NPRL3: variants seen among roughly 807,000 people sequenced by gnomAD.
NPRL3 encodes the protein NPR3 like, GATOR1 complex subunit.
In NPRL3, 23 loss-of-function variants were observed where a neutral mutation model predicts 57.2. The observed-to-expected ratio is 0.40, with a 90% confidence interval of 0.29 to 0.57. The LOEUF (loss-of-function observed/expected upper bound fraction) is 0.57, where lower values mean the gene tolerates loss of function less well. NPRL3 is among the 20% of genes least tolerant of loss of function. The probability of loss-of-function intolerance (pLI) is 0.42; values close to 1 mark genes in which losing one functional copy is unlikely to be tolerated. For missense variants in NPRL3, 691 were observed against 767.1 expected (o/e 0.90, Z 1.17); for synonymous variants, 333 against 321.1 (o/e 1.04, Z -0.39).
rs1382265538 is a variant in NPRL3, at chr16:86,924, C to T, written c.1545-54G>A. The T allele has an allele frequency of 1.3e-5, 20 of 1,549,894 alleles. No homozygotes were observed. In the East Asian group the frequency reaches 4.4e-4, roughly 34 times the overall value. On this transcript the variant is annotated intron_variant, in intron 13 of 13. Coordinates refer to ENST00000611875, the MANE Select transcript of NPRL3 (RefSeq NM_001077350.3). ...ACCTGACACCAGCCCCCAGAGGCCT[C>T]TGCTGAAGAGCCACTGCTGGGAATC...
In NPRL3 at chr16:107,305, G is replaced by T. The variant is rs141895727; in HGVS notation, c.629+3220C>A. 2.0e-5 allele frequency among the ~76,000 whole-genome samples: 3 copies of T among 152,236 alleles called. No individual in the cohort carries two copies. The East Asian group carries it at 5.8e-4, about 29-fold the overall frequency. On this transcript the variant is annotated intron_variant, in intron 7 of 13. Transcript: ENST00000611875. ...GGTTTTGTCTCCTTTCAACTTTCCA[G>T]CACGATTCAAACCTAAGAAATCATA... is the stretch of plus-strand genomic sequence containing the variant.
At chr16:92,852 C>T (rs1898822299) in intron 10 of NPRL3, 127 bp from the exon 11 acceptor site, 23 of 1,248,510 alleles carry the variant, frequency 1.8e-5, no homozygotes, top group Non-Finnish European at 2.1e-5. Flanking sequence ...GAGGGCAGAA[C>T]GGTATGAGGC....
intron 3 of NPRL3, among the ~76,000 whole-genome samples, chr16:127,490 C>T (rs1900576590): frequency 6.6e-6 from 1 of 152,102 alleles, no homozygotes; most frequent in African/African-American, 2.4e-5. Flanking sequence ...CCGCCTTGGA[C>T]ACCCAAAGTG....
At chr16:86,992 G>T in intron 13 of NPRL3, 122 bp from the exon 14 acceptor site, 2 of 1,013,228 alleles carry the variant, frequency 2.0e-6, no homozygotes, top group Non-Finnish European at 2.8e-6. Flanking sequence ...TGGTGGTGAA[G>T]GCCAGGGAGG....
intron 7 of NPRL3, among the ~76,000 whole-genome samples, chr16:105,454 GA>G (rs2141936052): frequency 6.6e-6 from 1 of 152,204 alleles, no homozygotes; most frequent in East Asian, 1.9e-4. Flanking sequence ...AGCCTACCTT[GA>G]AATTTCAAAC....
Position 108,674 on chromosome 16 carries a change from T to TTTATTATTA in NPRL3, c.629+1842_629+1850dup, listed in dbSNP as rs57499128. Among the ~76,000 whole-genome samples the TTTATTATTA allele has an allele frequency of 6.3e-3, 952 of 150,104 alleles. 37 individuals are homozygous for TTTATTATTA. The highest frequency in any genetic ancestry group is 0.048 in the Admixed American group (732 of 15,126). On this transcript the variant is annotated intron_variant, in intron 7 of 13. Coordinates refer to ENST00000611875, the MANE Select transcript of NPRL3 (RefSeq NM_001077350.3). The stretch of plus-strand genomic sequence containing the variant: ...TTTATTTTACTTTTGTTTTTTAATT[T>TTTATTATTA]TTATTATTATTTTTGAGATGACATC...
intron 7 of NPRL3, among the ~76,000 whole-genome samples, chr16:107,274 G>A (rs556865719): frequency 6.6e-6 from 1 of 152,318 alleles, no homozygotes; most frequent in South Asian, 2.1e-4. Context: ...ACAACAGGCA[G>A]TCCAAGGTTT....
chr16:108,960 G>A (rs146009924), intron 7 of NPRL3, among the ~76,000 whole-genome samples: 2 of 151,484 alleles, frequency 1.3e-5, no homozygotes, highest in South Asian at 2.1e-4. Context: ...GTGAGCCACC[G>A]CGCCCGGCCT....
chr16:118,169 C>T (rs546735245), intron 4 of NPRL3, among the ~76,000 whole-genome samples: 1 of 152,326 alleles, frequency 6.6e-6, no homozygotes, highest in South Asian at 2.1e-4. Context: ...AATAACACCA[C>T]AGAACCTCCC....
At chr16:133,400 AT>A (rs145879888) in intron 2 of NPRL3, among the ~76,000 whole-genome samples, 112 of 145,560 alleles carry the variant, frequency 7.7e-4, no homozygotes, top group African/African-American at 1.6e-3. Context: ...TAATTTTTGT[AT>A]TTTTTTTTTT....
chr16:134,218 T>C (rs1394128270), intron 2 of NPRL3, among the ~76,000 whole-genome samples: 1 of 152,020 alleles, frequency 6.6e-6, no homozygotes, highest in Non-Finnish European at 1.5e-5. Context: ...GGTAGGCCCC[T>C]ATGCACATGT....
At chr16:122,773 A>T (rs1900336964) in intron 3 of NPRL3, among the ~76,000 whole-genome samples, 1 of 152,112 alleles carries the variant, frequency 6.6e-6, no homozygotes, top group African/African-American at 2.4e-5. Flanking sequence ...AAAGGGATGG[A>T]AAGACATCCT....
chr16:137,631 C>A (rs983586803), intron 2 of NPRL3, among the ~76,000 whole-genome samples: 3 of 151,568 alleles, frequency 2.0e-5, no homozygotes, highest in Admixed American at 2.0e-4. Context: ...TTCACTGAAA[C>A]CTCCGCCTCC....
At chr16:108,592 G>A (rs761460107) in intron 7 of NPRL3, among the ~76,000 whole-genome samples, 4 of 151,952 alleles carry the variant, frequency 2.6e-5, no homozygotes, top group East Asian at 1.9e-4. Flanking sequence ...GGGCAGTTGC[G>A]GCTCACTAGG....
chr16:117,152 T>C, intron 5 of NPRL3, 149 bp downstream of exon 5: 1 of 593,424 alleles, frequency 1.7e-6, no homozygotes, highest in Non-Finnish European at 3.0e-6. Flanking sequence ...CAAAAAGGGG[T>C]AAACAATGAA....
intron 9 of NPRL3, among the ~76,000 whole-genome samples, chr16:93,635 G>T (rs1218605432): frequency 6.7e-6 from 1 of 149,398 alleles, no homozygotes; most frequent in Non-Finnish European, 1.5e-5. Flanking sequence ...CACAATCTCA[G>T]CTCACTGCAA....
chr16:131,097 G>T (rs373618898), intron 2 of NPRL3, among the ~76,000 whole-genome samples: 222 of 152,368 alleles, frequency 1.5e-3, no homozygotes, highest in African/African-American at 5.0e-3. Context: ...CCCTTTAGGA[G>T]GCCAAGGTGG....
At chr16:95,197 CAT>C (rs1898934989) in intron 9 of NPRL3, among the ~76,000 whole-genome samples, 1 of 152,048 alleles carries the variant, frequency 6.6e-6, no homozygotes, top group South Asian at 2.1e-4. Flanking sequence ...CAAAGTCCCA[CAT>C]GAGTTCACAT....
chr16:112,983 T>A (rs1295891519), intron 5 of NPRL3, among the ~76,000 whole-genome samples: 1 of 152,198 alleles, frequency 6.6e-6, no homozygotes, highest in African/African-American at 2.4e-5. Flanking sequence ...ATGTGGGCTG[T>A]CAGCCCCCAT....
Sources: gnomAD v4.1 joint callset for allele counts (sites outside exome capture counted in the v4.1 genomes callset) on GRCh38, gnomAD v4.1.1 for gene constraint, MANE v1.5 for transcripts, NCBI Gene and HGNC (gene_info 2026-07-23, HGNC 2026-07-21) for gene names.